Variants in RGS17 observed in about 807,000 individuals in gnomAD.
The protein encoded by RGS17 is regulator of G-protein signaling 17.
Under a neutral mutation model 25.5 loss-of-function variants are expected in RGS17, and 12 were observed. The ratio of observed to expected loss-of-function variants is 0.47; its 90% CI spans 0.30 to 0.76. The LOEUF (loss-of-function observed/expected upper bound fraction) is 0.76. Among genes scored for constraint, RGS17 ranks in the 30% least tolerant of loss-of-function variants. RGS17 has a pLI of 0.07. For missense variants in RGS17, 196 were observed against 242.2 expected (o/e 0.81, Z 1.27); for synonymous variants, 71 against 76.9 (o/e 0.92, Z 0.40).
chr6:153,105,366 T>A (rs537009790), intron 1 of RGS17, among the ~76,000 whole-genome samples: 1 of 152,200 alleles, frequency 6.6e-6, no homozygotes, highest in Non-Finnish European at 1.5e-5. Context: ...TAAGGACCTA[T>A]TATCTGTGCT....
At chr6:153,016,588 AT>A (rs1235934897) in intron 4 of RGS17, among the ~76,000 whole-genome samples, 2 of 152,202 alleles carry the variant, frequency 1.3e-5, no homozygotes, top group African/African-American at 4.8e-5. Context: ...TTAATTTTTA[AT>A]TTTTTTGCAA....
chr6:153,067,932 A>G (rs1471954532), intron 1 of RGS17, among the ~76,000 whole-genome samples: 1 of 152,200 alleles, frequency 6.6e-6, no homozygotes, highest in Non-Finnish European at 1.5e-5. Flanking sequence ...AGTAACCAAA[A>G]CAGCATGGTA....
rs1349357996 is a variant in RGS17 at position 153,010,251 on chromosome 6, T to G, written c.*1323A>C. Reference sequence around the variant, plus strand: ...TAAATATGACACTGATTATTTTAATTATCACTTTTATGCATGACAGAATAT... The same window carrying G: ...TAAATATGACACTGATTATTTTAATGATCACTTTTATGCATGACAGAATAT... On this transcript the variant is annotated 3_prime_UTR_variant, in exon 5 of 5. Transcript: ENST00000206262. The G allele has an allele frequency of 6.6e-6, 1 of 152,014 alleles. No homozygotes were observed. The highest frequency in any genetic ancestry group is 2.4e-5 in the African/African-American group (1 of 41,436). The allele number at this position is 152,014 out of a possible 1,614,324, so 9.4% of individuals were successfully genotyped here. A position where few individuals can be genotyped will look rare whatever the true frequency, so the allele number is the denominator to read the frequency against.
intron 1 of RGS17, among the ~76,000 whole-genome samples, chr6:153,056,620 C>T (rs1008036750): frequency 1.3e-5 from 2 of 152,142 alleles, no homozygotes; most frequent in Admixed American, 1.3e-4. Flanking sequence ...CAGAAAATCT[C>T]TCTTGGTTCT....
intron 1 of RGS17, among the ~76,000 whole-genome samples, chr6:153,067,184 A>G (rs1481911721): frequency 6.6e-6 from 1 of 152,200 alleles, no homozygotes; most frequent in Non-Finnish European, 1.5e-5. Flanking sequence ...AAAGCCATAT[A>G]TGACAGAAAC....
At chr6:153,036,491 T>C (rs1776244049) in intron 2 of RGS17, among the ~76,000 whole-genome samples, 1 of 152,182 alleles carries the variant, frequency 6.6e-6, no homozygotes, top group Admixed American at 6.5e-5. Flanking sequence ...CACCCTGGAA[T>C]ACTCACCAGG....
At chr6:153,045,189 A>G (rs1346830642) in intron 1 of RGS17, among the ~76,000 whole-genome samples, 1 of 152,204 alleles carries the variant, frequency 6.6e-6, no homozygotes. Flanking sequence ...AGAAAACCAC[A>G]GTTGTAGGTG....
In RGS17 at chr6:153,098,071, A is replaced by G. The variant is rs537551492; in HGVS notation, c.-26+33053T>C. On this transcript the variant is annotated intron_variant, in intron 1 of 4. Coordinates refer to ENST00000206262, the MANE Select transcript of RGS17 (RefSeq NM_012419.5). Reference sequence around the variant, plus strand: ...TGCCAGGAAAGTAATGACTTAATGGAAAAGTCAGGTTTCTTAGATCGAGAA... The same window carrying G: ...TGCCAGGAAAGTAATGACTTAATGGGAAAGTCAGGTTTCTTAGATCGAGAA... 2.5e-3 allele frequency among the ~76,000 whole-genome samples: 380 copies of G among 152,266 alleles called. 2 individuals carry two copies. The highest frequency in any genetic ancestry group is 8.7e-3 in the African/African-American group (360 of 41,566).
chr6:153,109,142 T>C (rs1487183945), intron 1 of RGS17, among the ~76,000 whole-genome samples: 1 of 151,354 alleles, frequency 6.6e-6, no homozygotes, highest in Admixed American at 6.6e-5. Flanking sequence ...TCTTACTCCA[T>C]GGTTTGAAAA....
In RGS17 at chr6:153,005,843, G is replaced by A. The variant is rs1779069400; in HGVS notation, c.*5731C>T. The A allele has an allele frequency of 1.3e-5, 2 of 152,140 alleles. No homozygotes were observed. Among genetic ancestry groups the A allele is most frequent in the Admixed American group, 1.3e-4 (2 of 15,278 alleles). 9.4% of individuals were successfully genotyped at this position (152,140 alleles called of 1,614,324 possible). A position where few individuals can be genotyped will look rare whatever the true frequency, so the allele number is the denominator to read the frequency against. On this transcript the variant is annotated 3_prime_UTR_variant, in exon 5 of 5. Coordinates refer to ENST00000206262, the MANE Select transcript of RGS17 (RefSeq NM_012419.5). ...GAATGGGATCCTGGGACAGAAAAAG[G>A]ACATTAGGTTATAAACTAAGGAAAT... is the stretch of plus-strand genomic sequence containing the variant.
intron 1 of RGS17, among the ~76,000 whole-genome samples, chr6:153,128,299 G>A (rs1250480557): frequency 2.0e-5 from 3 of 152,184 alleles, no homozygotes; most frequent in African/African-American, 7.2e-5. Flanking sequence ...GTATATAGCG[G>A]TCCTTCGATT....
chr6:153,071,338 A>G (rs1292007376), intron 1 of RGS17, among the ~76,000 whole-genome samples: 1 of 152,020 alleles, frequency 6.6e-6, no homozygotes, highest in Non-Finnish European at 1.5e-5. Context: ...GGCACAGAGT[A>G]GGTACTTGGC....
chr6:153,127,452 T>C (rs1262012425), intron 1 of RGS17, among the ~76,000 whole-genome samples: 1 of 152,222 alleles, frequency 6.6e-6, no homozygotes, highest in South Asian at 2.1e-4. Context: ...TTTATATACA[T>C]TGCATTGTAT....
At chr6:153,030,645 C>T (rs1779352129) in intron 2 of RGS17, among the ~76,000 whole-genome samples, 1 of 152,168 alleles carries the variant, frequency 6.6e-6, no homozygotes, top group African/African-American at 2.4e-5. Context: ...AAATCAACAT[C>T]CTTCAGGCTC....
chr6:153,028,738 A>G (rs58347519), intron 2 of RGS17, among the ~76,000 whole-genome samples: 4,827 of 152,292 alleles, frequency 0.032, 228 homozygotes, highest in African/African-American at 0.11. Flanking sequence ...TTGAGCTTCT[A>G]TGTGTGTGTG....
In RGS17 at chr6:153,119,852, G is replaced by A. The variant is rs528775283; in HGVS notation, c.-26+11272C>T. On this transcript the variant is annotated intron_variant, in intron 1 of 4. Coordinates refer to ENST00000206262, the MANE Select transcript of RGS17 (RefSeq NM_012419.5). ...GCACATATTATCTCTCCACAACTCT[G>A]CAAGGTGGTTTTATTATTTTCATCA... Among the ~76,000 whole-genome samples, 10 of 152,278 alleles carry A rather than the reference G, an allele frequency of 6.6e-5. No individual in the cohort carries two copies. In the East Asian group the frequency reaches 1.7e-3, roughly 26 times the overall value.
chr6:153,012,903 T>C (rs1779148480), intron 4 of RGS17, among the ~76,000 whole-genome samples: 1 of 152,204 alleles, frequency 6.6e-6, no homozygotes, highest in Non-Finnish European at 1.5e-5. Context: ...TTCCATCCAG[T>C]GTCCCCAGGT....
At chr6:153,089,787 C>A (rs763414734) in intron 1 of RGS17, among the ~76,000 whole-genome samples, 1 of 151,992 alleles carries the variant, frequency 6.6e-6, no homozygotes, top group African/African-American at 2.4e-5. Context: ...AACACCTATA[C>A]CTGTATATGT....
intron 1 of RGS17, among the ~76,000 whole-genome samples, chr6:153,050,530 A>G (rs1776447631): frequency 6.6e-6 from 1 of 152,208 alleles, no homozygotes; most frequent in Admixed American, 6.5e-5. Context: ...ATAAAAAAGT[A>G]TTCCACATTC....
Sources: gnomAD v4.1 joint callset for allele counts (sites outside exome capture counted in the v4.1 genomes callset) on GRCh38, gnomAD v4.1.1 for gene constraint, MANE v1.5 for transcripts, NCBI Gene and HGNC (gene_info 2026-07-23, HGNC 2026-07-21) for gene names.